SEMA3A: variants seen among roughly 807,000 people sequenced by gnomAD.
The protein encoded by SEMA3A is semaphorin-3A.
In SEMA3A, 29 loss-of-function variants were observed where a neutral mutation model predicts 97.9. That is an observed-to-expected ratio of 0.30 (90% CI 0.22 to 0.40). The LOEUF (loss-of-function observed/expected upper bound fraction) is 0.40, where lower values mean the gene tolerates loss of function less well. Among genes scored for constraint, SEMA3A ranks in the 10% least tolerant of loss-of-function variants. The pLI is 1.00. For missense variants in SEMA3A, 763 were observed against 951.3 expected (o/e 0.80, Z 2.60); for synonymous variants, 321 against 323.7 (o/e 0.99, Z 0.09).
chr7:84,125,963 T>G (rs1795781489), intron 3 of SEMA3A, among the ~76,000 whole-genome samples: 1 of 152,142 alleles, frequency 6.6e-6, no homozygotes, highest in South Asian at 2.1e-4. Context: ...TTACCTTAAA[T>G]TTTCAGACCA....
intron 2 of SEMA3A, among the ~76,000 whole-genome samples, chr7:84,360,103 T>A (rs28397954): frequency 1.1e-3 from 167 of 151,338 alleles, no homozygotes; most frequent in African/African-American, 3.7e-3. Flanking sequence ...CTGGTTTCAT[T>A]GATTTTTTGA....
At chr7:84,424,808 A>C (rs1347026406) in intron 1 of SEMA3A, among the ~76,000 whole-genome samples, 25 of 101,456 alleles carry the variant, frequency 2.5e-4, no homozygotes, top group Non-Finnish European at 3.1e-4. Flanking sequence ...TTATACAAAT[A>C]TACATATATA....
intron 1 of SEMA3A, among the ~76,000 whole-genome samples, chr7:84,159,552 T>C (rs2116158076): frequency 6.6e-6 from 1 of 152,246 alleles, no homozygotes; most frequent in Admixed American, 6.5e-5. Flanking sequence ...CATTCTACCC[T>C]TGACTTACTT....
chr7:84,218,398 A>G (rs948726977), intron 3 of SEMA3A, among the ~76,000 whole-genome samples: 1 of 152,164 alleles, frequency 6.6e-6, no homozygotes, highest in African/African-American at 2.4e-5. Flanking sequence ...CTTCCCATGA[A>G]TTACATGATC....
chr7:84,372,256 C>CA (rs1188835151), intron 1 of SEMA3A: 2 of 152,090 alleles, frequency 1.3e-5, no homozygotes, highest in African/African-American at 4.8e-5. Flanking sequence ...CTGCTTTGGA[C>CA]ATTTCCGGCT....
chr7:84,473,563 A>G (rs569560472), intron 1 of SEMA3A, among the ~76,000 whole-genome samples: 1 of 151,644 alleles, frequency 6.6e-6, no homozygotes, highest in East Asian at 1.9e-4. Context: ...TAATTTTTGT[A>G]TTTTTAGTAG....
chr7:84,111,149 G>A (rs1795266056), intron 3 of SEMA3A, among the ~76,000 whole-genome samples: 1 of 152,122 alleles, frequency 6.6e-6, no homozygotes, highest in Non-Finnish European at 1.5e-5. Flanking sequence ...AAATTATTTT[G>A]TTAAAGGCTA....
At chr7:84,383,937 A>G (rs912869772) in intron 1 of SEMA3A, among the ~76,000 whole-genome samples, 11 of 152,212 alleles carry the variant, frequency 7.2e-5, no homozygotes, top group African/African-American at 2.4e-4. Context: ...TTTAAGAGAC[A>G]GGTATCTCCT....
chr7:84,224,215 T>G (rs1798940082), intron 3 of SEMA3A, among the ~76,000 whole-genome samples: 2 of 152,024 alleles, frequency 1.3e-5, no homozygotes, highest in African/African-American at 4.8e-5. Context: ...AGCATTAAAG[T>G]GACCTATGTA....
intron 3 of SEMA3A, among the ~76,000 whole-genome samples, chr7:84,299,385 T>TAC (rs1562892106): frequency 7.2e-6 from 1 of 139,014 alleles, no homozygotes; most frequent in Non-Finnish European, 1.6e-5. Context: ...TATATATATA[T>TAC]ACACACATCT....
chr7:84,120,863 G>A (rs941330724), intron 3 of SEMA3A, among the ~76,000 whole-genome samples: 2 of 152,156 alleles, frequency 1.3e-5, no homozygotes, highest in African/African-American at 4.8e-5. Flanking sequence ...AGAGGTAAAG[G>A]ACTTTATTAC....
intron 1 of SEMA3A, among the ~76,000 whole-genome samples, chr7:84,184,980 C>T (rs1163273345): frequency 1.3e-5 from 2 of 152,086 alleles, no homozygotes; most frequent in African/African-American, 4.8e-5. Flanking sequence ...CTGCTTAAGA[C>T]CTGACACAAA....
chr7:84,296,973 ATTTATT>A (rs1240891054), intron 3 of SEMA3A, among the ~76,000 whole-genome samples: 1 of 151,856 alleles, frequency 6.6e-6, no homozygotes, highest in South Asian at 2.1e-4. Flanking sequence ...CTTTTCTGAG[ATTTATT>A]TTTATTTTTA....
chr7:84,266,409 G>C, intron 3 of SEMA3A, among the ~76,000 whole-genome samples: 2 of 151,548 alleles, frequency 1.3e-5, no homozygotes, highest in East Asian at 3.9e-4. Flanking sequence ...GAGTATAGGT[G>C]AGAATGGCTA....
chr7:84,048,488 A>G (rs901437644), intron 5 of SEMA3A, among the ~76,000 whole-genome samples: 3 of 151,968 alleles, frequency 2.0e-5, no homozygotes, highest in Middle Eastern at 6.3e-3. Context: ...TCAGGTGAAG[A>G]GTTTGTTATT....
chr7:84,209,156 T>C (rs1183654982), intron 3 of SEMA3A, among the ~76,000 whole-genome samples: 1 of 152,218 alleles, frequency 6.6e-6, no homozygotes, highest in Non-Finnish European at 1.5e-5. Context: ...GAATCTGGAA[T>C]GAAACTACAA....
intron 2 of SEMA3A, among the ~76,000 whole-genome samples, chr7:84,133,854 T>A (rs1796035816): frequency 7.9e-6 from 1 of 126,556 alleles, no homozygotes; most frequent in African/African-American, 3.1e-5. Context: ...ATCGAGACCA[T>A]CCTGGCTAAC....
At chr7:84,064,886 C>A (rs1226706657) in intron 4 of SEMA3A, among the ~76,000 whole-genome samples, 1 of 152,020 alleles carries the variant, frequency 6.6e-6, no homozygotes, top group Non-Finnish European at 1.5e-5. Context: ...ACAAGGATAC[C>A]CAGGAATTGA....
intron 2 of SEMA3A, among the ~76,000 whole-genome samples, chr7:84,312,536 G>A (rs961328121): frequency 6.6e-6 from 1 of 151,396 alleles, no homozygotes; most frequent in Non-Finnish European, 1.5e-5. Context: ...TTAAGATCTT[G>A]TAAACTTTCA....
Sources: gnomAD v4.1 joint callset for allele counts (sites outside exome capture counted in the v4.1 genomes callset) on GRCh38, gnomAD v4.1.1 for gene constraint, MANE v1.5 for transcripts, NCBI Gene and HGNC (gene_info 2026-07-23, HGNC 2026-07-21) for gene names.